TNFSF4: variants seen among roughly 807,000 people sequenced by gnomAD.
The protein encoded by TNFSF4 is tumor necrosis factor ligand superfamily member 4.
In TNFSF4, 4 loss-of-function variants were observed where a neutral mutation model predicts 7.3. The ratio of observed to expected loss-of-function variants is 0.55; its 90% confidence interval spans 0.27 to 1.25. TNFSF4 has a LOEUF of 1.25. Among genes scored for constraint, TNFSF4 ranks in the 50% most tolerant of loss-of-function variants. The probability of loss-of-function intolerance (pLI) is 0.12; values close to 1 mark genes in which losing one functional copy is unlikely to be tolerated. For synonymous variants in TNFSF4, 76 were observed against 83.7 expected (o/e 0.91, Z 0.50); for missense variants, 181 against 208.8 (o/e 0.87, Z 0.82).
chr1:173,228,879 A>G, the TNFSF4 span, among the ~76,000 whole-genome samples: 1 of 152,206 alleles, frequency 6.6e-6, no homozygotes, highest in East Asian at 1.9e-4. Flanking sequence ...AAGTTTAGAG[A>G]AAAAAGAGTA....
At chr1:173,228,686 A>C in the TNFSF4 span, among the ~76,000 whole-genome samples, 2 of 152,238 alleles carry the variant, frequency 1.3e-5, no homozygotes, top group African/African-American at 4.8e-5. Context: ...CCTTGAAAAA[A>C]GATTAGATGA....
the TNFSF4 span, among the ~76,000 whole-genome samples, chr1:173,422,001 C>T: frequency 6.6e-6 from 1 of 151,964 alleles, no homozygotes; most frequent in Non-Finnish European, 1.5e-5. Flanking sequence ...TACTGTCCTG[C>T]ACATAATAGG....
chr1:173,257,809 T>C, the TNFSF4 span, among the ~76,000 whole-genome samples: 7 of 152,136 alleles, frequency 4.6e-5, no homozygotes, highest in African/African-American at 1.7e-4. Context: ...CAGAGTTTTA[T>C]TGGGATTTAA....
the TNFSF4 span, among the ~76,000 whole-genome samples, chr1:173,342,035 T>G: frequency 6.6e-6 from 1 of 152,094 alleles, no homozygotes; most frequent in Admixed American, 6.6e-5. Flanking sequence ...TCTGCTAACT[T>G]TAGGGTGATC....
chr1:173,392,115 T>TTCTA, the TNFSF4 span, among the ~76,000 whole-genome samples: 2 of 152,198 alleles, frequency 1.3e-5, no homozygotes, highest in African/African-American at 4.8e-5. Context: ...ACAAATGGAG[T>TTCTA]TCTAACTCAA....
At chr1:173,229,502 T>G in the TNFSF4 span, among the ~76,000 whole-genome samples, 1 of 152,162 alleles carries the variant, frequency 6.6e-6, no homozygotes, top group African/African-American at 2.4e-5. Flanking sequence ...AGACCATCGA[T>G]GCTAGGAAGA....
At chr1:173,176,988 G>A in the TNFSF4 span, among the ~76,000 whole-genome samples, 3 of 152,196 alleles carry the variant, frequency 2.0e-5, no homozygotes, top group Non-Finnish European at 2.9e-5. Context: ...GAGGATGGGG[G>A]TTAGGAGAGG....
intron 1 of TNFSF4, among the ~76,000 whole-genome samples, chr1:173,191,942 C>T (rs575033572): frequency 6.6e-6 from 1 of 152,164 alleles, no homozygotes; most frequent in East Asian, 1.9e-4. Flanking sequence ...TTTGGGAGGC[C>T]GAGGCAGGCA....
At chr1:173,308,642 T>A in the TNFSF4 span, among the ~76,000 whole-genome samples, 11 of 151,906 alleles carry the variant, frequency 7.2e-5, 1 homozygote. Context: ...AATAATTTTT[T>A]TATTTCAAGA....
chr1:173,410,792 G>T, the TNFSF4 span, among the ~76,000 whole-genome samples: 1 of 152,176 alleles, frequency 6.6e-6, no homozygotes, highest in Non-Finnish European at 1.5e-5. Flanking sequence ...AGACCTTGGT[G>T]CTCCTTGGAC....
In TNFSF4 at chr1:173,190,048, TAA is replaced by T. The variant is rs11389771; in HGVS notation, c.154-1481_154-1480del. On this transcript the variant is annotated intron_variant, in intron 1 of 2. Coordinates refer to ENST00000281834, the MANE Select transcript of TNFSF4 (RefSeq NM_003326.5). Reference sequence around the variant, plus strand: ...AACATGGTGAAACCCCATCTCTGCTTAAAAAAAAAAAAAAAAAATTATCCAGG... The same window carrying T: ...AACATGGTGAAACCCCATCTCTGCTTAAAAAAAAAAAAAAAATTATCCAGG... Among the ~76,000 whole-genome samples, 471 of 128,306 alleles carry T rather than the reference TAA, an allele frequency of 3.7e-3. 1 individual carries two copies. Among genetic ancestry groups the T allele is most frequent in the African/African-American group, 0.01 (363 of 35,882 alleles). The allele number at this position is 128,306 out of a possible 152,430, so 84.2% of individuals were successfully genotyped here. A position where few individuals can be genotyped will look rare whatever the true frequency, so the allele number is the denominator to read the frequency against.
At chr1:173,297,689 T>C in the TNFSF4 span, among the ~76,000 whole-genome samples, 1 of 151,912 alleles carries the variant, frequency 6.6e-6, no homozygotes, top group African/African-American at 2.4e-5. Context: ...CCACACTGGT[T>C]TCTTGACCAA....
the TNFSF4 span, among the ~76,000 whole-genome samples, chr1:173,424,461 T>C: frequency 6.6e-6 from 1 of 152,242 alleles, no homozygotes; most frequent in African/African-American, 2.4e-5. Context: ...GTAGGGATCT[T>C]TGTGGGCCGG....
the TNFSF4 span, among the ~76,000 whole-genome samples, chr1:173,173,020 C>G: frequency 6.6e-6 from 1 of 152,234 alleles, no homozygotes; most frequent in Non-Finnish European, 1.5e-5. Context: ...GGAAAAATCC[C>G]CTATAAAACC....
the TNFSF4 span, among the ~76,000 whole-genome samples, chr1:173,381,785 C>T: frequency 2.6e-5 from 4 of 152,082 alleles, no homozygotes; most frequent in African/African-American, 7.2e-5. Context: ...GCTTCTGGGT[C>T]GGGTGGGGAC....
At chr1:173,339,431 G>C in the TNFSF4 span, among the ~76,000 whole-genome samples, 4 of 151,942 alleles carry the variant, frequency 2.6e-5, no homozygotes, top group Non-Finnish European at 5.9e-5. Context: ...ATTCTGAATG[G>C]GTAGTGAAAG....
chr1:173,303,568 T>G, the TNFSF4 span, among the ~76,000 whole-genome samples: 1 of 151,910 alleles, frequency 6.6e-6, no homozygotes, highest in Non-Finnish European at 1.5e-5. Flanking sequence ...ATCACCTAGT[T>G]TATGTGATCC....
chr1:173,191,979 C>T (rs1284930525), intron 1 of TNFSF4, among the ~76,000 whole-genome samples: 3 of 152,148 alleles, frequency 2.0e-5, no homozygotes, highest in Non-Finnish European at 4.4e-5. Flanking sequence ...GAGTTTGAGA[C>T]CAGCCTGGCC....
the TNFSF4 span, among the ~76,000 whole-genome samples, chr1:173,433,085 T>G: frequency 6.6e-6 from 1 of 152,202 alleles, no homozygotes; most frequent in Non-Finnish European, 1.5e-5. Flanking sequence ...ACTTTTTGCC[T>G]ATACTAGACA....
Sources: gnomAD v4.1 joint callset for allele counts (sites outside exome capture counted in the v4.1 genomes callset) on GRCh38, gnomAD v4.1.1 for gene constraint, MANE v1.5 for transcripts, NCBI Gene and HGNC (gene_info 2026-07-23, HGNC 2026-07-21) for gene names.